The following LPP variants were observed in gnomAD, a reference collection of about 807,000 sequenced individuals.
LPP encodes the protein LIM domain containing preferred translocation partner in lipoma.
LPP carries 38 observed loss-of-function variants against 60.4 expected under a neutral mutation model. The observed-to-expected ratio is 0.63, with a 90% CI of 0.49 to 0.83. The LOEUF is 0.83. Among genes scored for constraint, LPP ranks in the 40% least tolerant of loss-of-function variants. The pLI is 0.00. For missense variants in LPP, 902 were observed against 783.6 expected (o/e 1.15, Z -1.80); for synonymous variants, 328 against 290.8 (o/e 1.13, Z -1.30).
At chr3:188,787,687 C>T (rs1267756942) in intron 9 of LPP, among the ~76,000 whole-genome samples, 1 of 152,186 alleles carries the variant, frequency 6.6e-6, no homozygotes, top group Non-Finnish European at 1.5e-5. Flanking sequence ...TTCTTCCTAT[C>T]GCTGTACACA....
chr3:188,731,523 T>TTTGTTTTGTTTTGTTTTG (rs1363009984), intron 8 of LPP, among the ~76,000 whole-genome samples: 4 of 151,488 alleles, frequency 2.6e-5, no homozygotes, highest in African/African-American at 7.3e-5. Flanking sequence ...TTTTTTTTGT[T>TTTGTTTTGTTTTGTTTTG]TTGTTTTGTT....
At chr3:188,657,804 C>T (rs1853630551) in intron 7 of LPP, among the ~76,000 whole-genome samples, 1 of 152,164 alleles carries the variant, frequency 6.6e-6, no homozygotes, top group African/African-American at 2.4e-5. Flanking sequence ...AGCTCAAAAA[C>T]ACCACTTCTA....
At position 188,377,001 on chromosome 3, in the gene LPP, A is replaced by T. The variant is rs571965572; in HGVS notation, c.-9-29111A>T. 1.1e-4 allele frequency among the ~76,000 whole-genome samples: 16 copies of T among 152,284 alleles called. No homozygotes were observed. In the East Asian group the frequency reaches 2.9e-3, roughly 28 times the overall value. On this transcript the variant is annotated intron_variant, in intron 3 of 11. Transcript: ENST00000617246. ...GCTGGATATGAAATTCTGGGTTGAA[A>T]ATTCTTTTCTTTAAGAATGTTGAAT... is the stretch of plus-strand genomic sequence containing the variant.
intron 2 of LPP, among the ~76,000 whole-genome samples, chr3:188,301,545 G>A (rs570365693): frequency 1.3e-5 from 2 of 152,264 alleles, no homozygotes; most frequent in African/African-American, 2.4e-5. Context: ...TAGCTTCAGA[G>A]TAGTTCTCTT....
intron 4 of LPP, among the ~76,000 whole-genome samples, chr3:188,429,620 A>T (rs1221649162): frequency 6.6e-6 from 1 of 152,170 alleles, no homozygotes; most frequent in East Asian, 1.9e-4. Context: ...GCCCTTATAA[A>T]TTGCAAAAAA....
chr3:188,881,701 A>G lies in LPP; in HGVS notation c.*7222A>G, dbSNP rs1196449992. On this transcript the variant is annotated 3_prime_UTR_variant, in exon 12 of 12. Coordinates refer to ENST00000617246, the MANE Select transcript of LPP (RefSeq NM_001375462.1). ...AAGCAAGCTAATGCATATGCCATCC[A>G]TGAGATTCCCACTTCTGGGTCAGTT... The G allele has an allele frequency of 4.4e-6, 1 of 226,454 alleles. No individual in the cohort carries two copies. Among genetic ancestry groups the G allele is most frequent in the Non-Finnish European group, 8.8e-6 (1 of 113,780 alleles). 14.0% of individuals were successfully genotyped at this position (226,454 alleles called of 1,614,324 possible).
At position 188,514,049 on chromosome 3, in the gene LPP, C is replaced by T. The variant is rs116464318; in HGVS notation, c.307-10616C>T. Among the ~76,000 whole-genome samples the T allele has an allele frequency of 2.4e-3, 372 of 152,214 alleles. 2 individuals are homozygous for T. Among genetic ancestry groups the T allele is most frequent in the African/African-American group, 8.5e-3 (355 of 41,538 alleles). ...CAAAGAAACTGCTTGATAATATCAG[C>T]GGGACTTGGTCTTGTTTAGGCTGCT... On this transcript the variant is annotated intron_variant, in intron 5 of 11. Transcript: ENST00000617246.
At chr3:188,597,693 T>C (rs573074658) in intron 6 of LPP, among the ~76,000 whole-genome samples, 1 of 152,238 alleles carries the variant, frequency 6.6e-6, no homozygotes, top group African/African-American at 2.4e-5. Context: ...GGATGGGAAG[T>C]GTGGGCAATT....
chr3:188,316,454 A>G (rs1008591675), intron 2 of LPP, among the ~76,000 whole-genome samples: 7 of 134,022 alleles, frequency 5.2e-5, no homozygotes, highest in African/African-American at 1.7e-4. Context: ...AAAAAAAAAT[A>G]AGAATTGCTC....
intron 2 of LPP, among the ~76,000 whole-genome samples, chr3:188,239,548 C>G (rs1049871530): frequency 2.6e-5 from 4 of 152,186 alleles, no homozygotes; most frequent in African/African-American, 9.7e-5. Flanking sequence ...AGAGGGCTAT[C>G]ACATTCCTTT....
At chr3:188,462,011 C>G (rs1329458184) in intron 4 of LPP, among the ~76,000 whole-genome samples, 1 of 152,022 alleles carries the variant, frequency 6.6e-6, no homozygotes, top group African/African-American at 2.4e-5. Flanking sequence ...CCAAAAGTTA[C>G]CAAATTATAC....
At chr3:188,219,110 G>C (rs116678739) in intron 1 of LPP, among the ~76,000 whole-genome samples, 1 of 152,028 alleles carries the variant, frequency 6.6e-6, no homozygotes, top group Non-Finnish European at 1.5e-5. Flanking sequence ...GTTAGCCTGC[G>C]TGTAGGAATC....
chr3:188,870,098 A>G (rs1243012907), intron 10 of LPP, among the ~76,000 whole-genome samples: 1 of 152,188 alleles, frequency 6.6e-6, no homozygotes, highest in Non-Finnish European at 1.5e-5. Context: ...TCTGCTGTAG[A>G]TAGCACTTAC....
rs10678737 is a variant in LPP at position 188,593,153 on chromosome 3, G to GGTGTGTGTGT, written c.430-15987_430-15978dup. Among the ~76,000 whole-genome samples the GGTGTGTGTGT allele has an allele frequency of 3.0e-3, 449 of 148,502 alleles. 1 individual carries two copies. Among genetic ancestry groups the GGTGTGTGTGT allele is most frequent in the East Asian group, 0.025 (122 of 4,974 alleles). Reference sequence around the variant, plus strand: ...TGTATAGATTACACCTCTGATGCCTGGTGTGTGTGTGTGTGTGTGTGTGTG... The same window carrying GGTGTGTGTGT: ...TGTATAGATTACACCTCTGATGCCTGGTGTGTGTGTGTGTGTGTGTGTGTGTGTGTGTGTG... On this transcript the variant is annotated intron_variant, in intron 6 of 11. Coordinates refer to ENST00000617246, the MANE Select transcript of LPP (RefSeq NM_001375462.1).
intron 2 of LPP, among the ~76,000 whole-genome samples, chr3:188,341,230 A>G (rs1028583412): frequency 1.3e-5 from 2 of 152,198 alleles, no homozygotes; most frequent in Non-Finnish European, 1.5e-5. Flanking sequence ...AACCTAGGAA[A>G]AACTGAAGTA....
chr3:188,723,157 T>C (rs1356867567), intron 8 of LPP, among the ~76,000 whole-genome samples: 1 of 152,168 alleles, frequency 6.6e-6, no homozygotes, highest in Non-Finnish European at 1.5e-5. Context: ...TTGACTCAAA[T>C]TGAACAGGAT....
chr3:188,859,611 T>C (rs2151934179), intron 9 of LPP, among the ~76,000 whole-genome samples: 1 of 152,338 alleles, frequency 6.6e-6, no homozygotes, highest in East Asian at 1.9e-4. Context: ...CTTTAGGCTT[T>C]CTGCAATATT....
At chr3:188,413,890 C>T (rs1391450790) in intron 4 of LPP, among the ~76,000 whole-genome samples, 1 of 152,106 alleles carries the variant, frequency 6.6e-6, no homozygotes, top group Non-Finnish European at 1.5e-5. Context: ...GCTGGTAATA[C>T]CAACTGCCTC....
intron 8 of LPP, among the ~76,000 whole-genome samples, chr3:188,722,246 C>A (rs1716721826): frequency 6.6e-6 from 1 of 152,160 alleles, no homozygotes; most frequent in Non-Finnish European, 1.5e-5. Flanking sequence ...GGTACACTAG[C>A]AGCGTCACTG....
Sources: gnomAD v4.1 joint callset for allele counts (sites outside exome capture counted in the v4.1 genomes callset) on GRCh38, gnomAD v4.1.1 for gene constraint, MANE v1.5 for transcripts, NCBI Gene and HGNC (gene_info 2026-07-23, HGNC 2026-07-21) for gene names.